DNAH8: variants seen among roughly 807,000 people sequenced by gnomAD.
DNAH8 encodes dynein axonemal heavy chain 8.
In DNAH8, 382 loss-of-function variants were observed where a neutral mutation model predicts 562.1. The ratio of observed to expected loss-of-function variants is 0.68; its 90% CI spans 0.63 to 0.74. DNAH8 has a LOEUF of 0.74. Among genes scored for constraint, DNAH8 ranks in the 30% least tolerant of loss-of-function variants. The pLI, the probability that DNAH8 is intolerant of heterozygous loss-of-function variation, is 0.00. For missense variants in DNAH8, 5,203 were observed against 5,620.4 expected (o/e 0.93, Z 2.37); for synonymous variants, 1,881 against 1,919.4 (o/e 0.98, Z 0.52).
chr6:38,904,888 G>C (rs1229585351), intron 62 of DNAH8, among the ~76,000 whole-genome samples: 2 of 152,052 alleles, frequency 1.3e-5, no homozygotes, highest in Non-Finnish European at 2.9e-5. Context: ...AAGTGGATGG[G>C]TGCACAAGCC....
intron 64 of DNAH8, among the ~76,000 whole-genome samples, chr6:38,908,780 T>C (rs564804781): frequency 6.6e-6 from 1 of 152,168 alleles, no homozygotes; most frequent in Non-Finnish European, 1.5e-5. Context: ...CTGGAACTCC[T>C]GAACTCAAGC....
intron 11 of DNAH8, among the ~76,000 whole-genome samples, chr6:38,769,479 A>G (rs998795740): frequency 6.6e-6 from 1 of 150,946 alleles, no homozygotes; most frequent in African/African-American, 2.4e-5. Context: ...AATGAGGCCA[A>G]TTATTCTCAG....
At chr6:38,790,680 G>A (rs1769649505) in intron 20 of DNAH8, among the ~76,000 whole-genome samples, 1 of 151,898 alleles carries the variant, frequency 6.6e-6, no homozygotes, top group African/African-American at 2.4e-5. Flanking sequence ...AAAATTAGCT[G>A]GACATGGTGG....
chr6:38,738,341 C>T (rs1049907373), intron 7 of DNAH8, among the ~76,000 whole-genome samples: 1 of 152,114 alleles, frequency 6.6e-6, no homozygotes, highest in Non-Finnish European at 1.5e-5. Flanking sequence ...AAATAAGTAC[C>T]TCTTGTTCGA....
At chr6:38,833,186 T>C (rs1162695485) in intron 31 of DNAH8, among the ~76,000 whole-genome samples, 2 of 152,170 alleles carry the variant, frequency 1.3e-5, no homozygotes, top group African/African-American at 4.8e-5. Flanking sequence ...CTTTTAGTGG[T>C]CACAGTGGAT....
intron 12 of DNAH8, among the ~76,000 whole-genome samples, chr6:38,772,527 T>G (rs898675001): frequency 6.6e-6 from 1 of 152,216 alleles, no homozygotes; most frequent in East Asian, 1.9e-4. Flanking sequence ...TTCAGATTCT[T>G]TGCATATATT....
chr6:39,030,756 G>T lies in DNAH8; in HGVS notation c.*364G>T, dbSNP rs112421812. ...AGTTGTAAACTTTTCCCTCAAGTAGGTACCAATTTCCCTTGAATAAAATCT... is the reference window on the plus strand; with the variant it reads ...AGTTGTAAACTTTTCCCTCAAGTAGTTACCAATTTCCCTTGAATAAAATCT... On this transcript the variant is annotated 3_prime_UTR_variant, in exon 93 of 93. Coordinates refer to ENST00000327475, the MANE Select transcript of DNAH8 (RefSeq NM_001206927.2). Among the ~76,000 whole-genome samples the T allele has an allele frequency of 5.8e-3, 878 of 152,236 alleles. 5 individuals are homozygous for T. The highest frequency in any genetic ancestry group is 0.02 in the African/African-American group (816 of 41,546).
At chr6:38,834,977 G>A (rs534192365) in intron 32 of DNAH8, among the ~76,000 whole-genome samples, 2 of 152,180 alleles carry the variant, frequency 1.3e-5, no homozygotes, top group African/African-American at 4.8e-5. Context: ...ATTGGCAAAT[G>A]TTTTCCCTCT....
At chr6:38,718,429 T>TA (rs1206279923) in intron 1 of DNAH8, among the ~76,000 whole-genome samples, 3 of 152,158 alleles carry the variant, frequency 2.0e-5, no homozygotes, top group Admixed American at 2.0e-4. Flanking sequence ...TAGAGTTTGT[T>TA]ACCTGCCAAG....
chr6:38,815,724 A>T (rs568195176), intron 26 of DNAH8, 67 bp downstream of exon 26: 9 of 1,345,098 alleles, frequency 6.7e-6, no homozygotes, highest in Non-Finnish European at 9.1e-6. Flanking sequence ...ATAGATTTTT[A>T]AATTATTTTA....
intron 33 of DNAH8, 96 bp from the exon 34 acceptor site, chr6:38,842,272 G>T: frequency 1.0e-6 from 1 of 968,414 alleles, no homozygotes; most frequent in Non-Finnish European, 1.5e-6. Flanking sequence ...TACACGCAAT[G>T]TATGAAATAT....
intron 30 of DNAH8, among the ~76,000 whole-genome samples, chr6:38,831,824 G>A (rs906781738): frequency 1.3e-4 from 20 of 152,218 alleles, no homozygotes; most frequent in African/African-American, 4.8e-4. Flanking sequence ...GAGCATGGCA[G>A]ATAGCAAGCA....
intron 88 of DNAH8, among the ~76,000 whole-genome samples, chr6:38,999,932 C>A (rs1469905600): frequency 1.6e-5 from 1 of 61,350 alleles, no homozygotes; most frequent in African/African-American, 1.1e-4. Flanking sequence ...CACACACACA[C>A]AAACACACAC....
At chr6:38,897,068 G>A (rs770354261) in intron 60 of DNAH8, among the ~76,000 whole-genome samples, 4 of 152,140 alleles carry the variant, frequency 2.6e-5, no homozygotes, top group Non-Finnish European at 5.9e-5. Flanking sequence ...GTTTTATCAT[G>A]TTGGTCAGGC....
chr6:38,941,344 C>T (rs572389696), intron 79 of DNAH8, among the ~76,000 whole-genome samples: 1 of 152,344 alleles, frequency 6.6e-6, no homozygotes, highest in South Asian at 2.1e-4. Flanking sequence ...TTCTCTACTT[C>T]ATTTAATTCC....
rs1245888859 is a variant in DNAH8, at chr6:38,862,024, CTG to C, written c.6132-254_6132-253del. Among the ~76,000 whole-genome samples the C allele has an allele frequency of 2.0e-5, 3 of 147,910 alleles. No individual in the cohort carries two copies. The East Asian group carries it at 6.3e-4, about 31-fold the overall frequency. Reference sequence around the variant, plus strand: ...AATACTGCTCATTTGGTTCTCCTGACTGTAATGGGAGGAAGGCCTGAGGGTTT... The same window carrying C: ...AATACTGCTCATTTGGTTCTCCTGACTAATGGGAGGAAGGCCTGAGGGTTT... On this transcript the variant is annotated intron_variant, in intron 43 of 92. Transcript: ENST00000327475.
Position 38,729,973 on chromosome 6 carries a change from T to A in DNAH8, c.597T>A (p.Asp199Glu), listed in dbSNP as rs771905434. The change falls in exon 4 of 93, where the codon GAT becomes GAA. Residue 199 changes from aspartate to glutamate, a missense_variant. This residue lies in a region of DNAH8 where 556 missense variants were observed against 496.9 expected (regional missense o/e 1.12). Transcript: ENST00000327475. Reference protein sequence around the residue: ...KTLKFLYQEGDVPGIECGRTI... With the variant: ...KTLKFLYQEGEVPGIECGRTI... ...TGAAATTTTTGTACCAAGAAGGAGA[T>A]GTACCTGGTATTGGTAAGAATTTTC... 1.3e-6 allele frequency: 2 copies of A among 1,572,358 alleles called. No individual in the cohort carries two copies. Among genetic ancestry groups the A allele is most frequent in the African/African-American group, 1.3e-5 (1 of 74,154 alleles).
At chr6:38,919,103 AACAC>A (rs141307273) in intron 70 of DNAH8, among the ~76,000 whole-genome samples, 1 of 152,128 alleles carries the variant, frequency 6.6e-6, no homozygotes, top group Non-Finnish European at 1.5e-5. Flanking sequence ...AAAAAAAGAA[AACAC>A]ACACACACAT....
At chr6:38,836,457 A>C (rs1453626019) in intron 32 of DNAH8, among the ~76,000 whole-genome samples, 4 of 145,138 alleles carry the variant, frequency 2.8e-5, no homozygotes, top group African/African-American at 1.0e-4. Context: ...AAAAAAAAAA[A>C]CAAAACAACA....
Sources: gnomAD v4.1 joint callset for allele counts (sites outside exome capture counted in the v4.1 genomes callset) on GRCh38, gnomAD v4.1.1 for gene constraint, gnomAD v4.1.1 regional missense constraint, MANE v1.5 for transcripts, NCBI Gene and HGNC (gene_info 2026-07-23, HGNC 2026-07-21) for gene names.